The following EYS variants were observed in gnomAD, a reference collection of about 807,000 sequenced individuals.
EYS encodes the protein protein eyes shut homolog.
Under a neutral mutation model 282.1 loss-of-function variants are expected in EYS, and 250 were observed. That is an observed-to-expected ratio of 0.89 (90% CI 0.80 to 0.98). EYS has a LOEUF of 0.98. EYS is among the 50% of genes least tolerant of loss of function. The probability of loss-of-function intolerance (pLI) is 0.00; values close to 1 mark genes in which losing one functional copy is unlikely to be tolerated. For missense variants in EYS, 4,016 were observed against 3,709.0 expected (o/e 1.08, Z -2.15); for synonymous variants, 1,355 against 1,282.9 (o/e 1.06, Z -1.20).
intron 12 of EYS, among the ~76,000 whole-genome samples, chr6:65,278,328 A>ATATTC (rs1768115239): frequency 7.5e-6 from 1 of 133,500 alleles, no homozygotes; most frequent in Admixed American, 7.9e-5. Context: ...AGAAATCTAT[A>ATATTC]TATATATAGA....
chr6:64,234,037 C>G (rs192198825), intron 30 of EYS, among the ~76,000 whole-genome samples: 2 of 152,068 alleles, frequency 1.3e-5, no homozygotes, highest in African/African-American at 4.8e-5. Flanking sequence ...TATGTGCCTA[C>G]GAACCTGGCT....
chr6:64,870,231 A>T (rs1485668263), intron 19 of EYS, among the ~76,000 whole-genome samples: 1 of 151,638 alleles, frequency 6.6e-6, no homozygotes, highest in African/African-American at 2.4e-5. Flanking sequence ...CTTACACATA[A>T]ATATTCATAA....
intron 29 of EYS, among the ~76,000 whole-genome samples, chr6:64,341,336 A>G (rs1225410899): frequency 6.6e-6 from 1 of 151,846 alleles, no homozygotes; most frequent in Non-Finnish European, 1.5e-5. Context: ...AATGCTGTAC[A>G]TATAGACCAT....
At chr6:65,056,036 G>A (rs1014658263) in intron 13 of EYS, among the ~76,000 whole-genome samples, 2 of 151,934 alleles carry the variant, frequency 1.3e-5, no homozygotes, top group Non-Finnish European at 2.9e-5. Flanking sequence ...TGGGATTATT[G>A]TACAAAAAGA....
intron 30 of EYS, among the ~76,000 whole-genome samples, chr6:64,288,140 T>G (rs1382046512): frequency 1.3e-5 from 2 of 152,126 alleles, no homozygotes; most frequent in African/African-American, 4.8e-5. Flanking sequence ...TAAAAAGAAG[T>G]AGATGGTGTT....
chr6:65,177,704 T>A (rs1765260935), intron 12 of EYS, among the ~76,000 whole-genome samples: 1 of 151,382 alleles, frequency 6.6e-6, no homozygotes, highest in East Asian at 2.0e-4. Flanking sequence ...AATGAACAAT[T>A]TTTTTTTCAT....
At chr6:65,620,045 G>T (rs1023826135) in intron 2 of EYS, among the ~76,000 whole-genome samples, 18 of 152,090 alleles carry the variant, frequency 1.2e-4, no homozygotes, top group Admixed American at 8.5e-4. Context: ...CCAGGCTTTG[G>T]TATCAGGATG....
At chr6:63,753,140 G>GTATATATATATATATATATATATGTA (rs1769383154) in intron 41 of EYS, among the ~76,000 whole-genome samples, 3 of 136,036 alleles carry the variant, frequency 2.2e-5, no homozygotes, top group African/African-American at 8.2e-5. Flanking sequence ...GTGTGTGTGT[G>GTATATATATATATATATATATATGTA]TATATATATA....
intron 12 of EYS, among the ~76,000 whole-genome samples, chr6:65,186,039 G>A (rs1448959664): frequency 2.0e-5 from 3 of 151,228 alleles, no homozygotes; most frequent in Non-Finnish European, 4.4e-5. Context: ...TACAATTCCC[G>A]AACTATAAAC....
chr6:64,806,126 A>C (rs1162713207), intron 22 of EYS, among the ~76,000 whole-genome samples: 6 of 151,728 alleles, frequency 4.0e-5, no homozygotes, highest in African/African-American at 1.4e-4. Context: ...TAATAGTCAT[A>C]AATTTAGAGT....
In EYS at chr6:65,378,571, A is replaced by G. The variant is rs1401263210; in HGVS notation, c.1299+5815T>C. ...AGGATTATAATTCATTCTACTATAA[A>G]GACACATGCACACAAAAGTTTATTG... On this transcript the variant is annotated intron_variant, in intron 8 of 42. Coordinates refer to ENST00000503581, the MANE Select transcript of EYS (RefSeq NM_001142800.2). 2.6e-5 allele frequency among the ~76,000 whole-genome samples: 4 copies of G among 152,194 alleles called. No homozygotes were observed. In the East Asian group the frequency reaches 7.7e-4, roughly 29 times the overall value.
At chr6:64,871,295 T>C (rs1022930452) in intron 19 of EYS, among the ~76,000 whole-genome samples, 2 of 151,600 alleles carry the variant, frequency 1.3e-5, no homozygotes, top group African/African-American at 4.8e-5. Flanking sequence ...TAAACTTTTT[T>C]TCTGCTAGGT....
At chr6:65,130,888 TA>T (rs887841095) in intron 12 of EYS, among the ~76,000 whole-genome samples, 6 of 150,800 alleles carry the variant, frequency 4.0e-5, no homozygotes, top group South Asian at 2.1e-4. Flanking sequence ...TAAAATATGC[TA>T]AAAAAACTGT....
At chr6:65,086,943 C>T (rs1243311851) in intron 12 of EYS, among the ~76,000 whole-genome samples, 4 of 151,948 alleles carry the variant, frequency 2.6e-5, no homozygotes, top group African/African-American at 9.7e-5. Context: ...CTGCCTCAGC[C>T]CCCTGAGTAG....
At chr6:64,944,492 G>A (rs952614453) in intron 15 of EYS, among the ~76,000 whole-genome samples, 1 of 152,004 alleles carries the variant, frequency 6.6e-6, no homozygotes, top group African/African-American at 2.4e-5. Flanking sequence ...AATATAGTCT[G>A]AAACCAGGGG....
At chr6:64,249,063 C>CAAAAAAAAAAAAAAAAAAAAAAAAAAA (rs34663169) in intron 30 of EYS, among the ~76,000 whole-genome samples, 11 of 70,054 alleles carry the variant, frequency 1.6e-4, no homozygotes, top group African/African-American at 4.2e-4. Flanking sequence ...CACCCTGTCT[C>CAAAAAAAAAAAAAAAAAAAAAAAAAAA]AAAAAAAAAA....
intron 19 of EYS, among the ~76,000 whole-genome samples, chr6:64,868,371 A>G (rs1024849927): frequency 4.0e-5 from 6 of 151,510 alleles, no homozygotes; most frequent in African/African-American, 1.4e-4. Context: ...CAAAATATTA[A>G]TGGAGAAAGC....
chr6:65,118,989 A>G (rs1204619083), intron 12 of EYS, among the ~76,000 whole-genome samples: 3 of 152,098 alleles, frequency 2.0e-5, no homozygotes, highest in African/African-American at 4.8e-5. Context: ...AATGTTAAAT[A>G]TATTAAATAA....
intron 26 of EYS, among the ~76,000 whole-genome samples, chr6:64,509,504 A>G (rs1018623175): frequency 6.6e-6 from 1 of 152,214 alleles, no homozygotes; most frequent in Non-Finnish European, 1.5e-5. Flanking sequence ...TTGTGAGAAC[A>G]AACTTCAAAT....
Sources: allele counts gnomAD v4.1 joint callset (sites outside exome capture counted in the v4.1 genomes callset), GRCh38; gene constraint gnomAD v4.1.1; transcripts MANE v1.5; gene names NCBI Gene and HGNC (gene_info 2026-07-23, HGNC 2026-07-21).